The following DNAH12 variants were observed in gnomAD, a reference collection of about 807,000 sequenced individuals.
DNAH12 encodes axonemal beta dynein heavy chain 12.
DNAH12 carries 285 observed loss-of-function variants against 371.5 expected under a neutral mutation model. The observed-to-expected ratio is 0.77, with a 90% CI of 0.70 to 0.85. The LOEUF (loss-of-function observed/expected upper bound fraction) is 0.85. DNAH12 is among the 40% of genes least tolerant of loss of function. DNAH12 has a pLI of 0.00. For missense variants in DNAH12, 3,611 were observed against 3,689.4 expected, an observed-to-expected ratio of 0.98 and a Z score of 0.55; for synonymous variants, 1,200 against 1,213.0, an observed-to-expected ratio of 0.99 and a Z score of 0.22.
chr3:57,328,299 C>T (rs1412103329), intron 62 of DNAH12, among the ~76,000 whole-genome samples: 1 of 151,474 alleles, frequency 6.6e-6, no homozygotes. Context: ...AACATTGATG[C>T]AAAAATCCTC....
chr3:57,530,082 T>C (rs998729905), intron 2 of DNAH12, among the ~76,000 whole-genome samples: 1 of 152,134 alleles, frequency 6.6e-6, no homozygotes, highest in African/African-American at 2.4e-5. Flanking sequence ...TTTTATTCCA[T>C]TGTGGTCAGA....
chr3:57,395,710 T>C (rs2063722272), intron 43 of DNAH12, among the ~76,000 whole-genome samples: 2 of 151,680 alleles, frequency 1.3e-5, no homozygotes, highest in African/African-American at 4.8e-5. Context: ...TTTGAGAGGG[T>C]GAGGCAGGAG....
intron 2 of DNAH12, among the ~76,000 whole-genome samples, chr3:57,538,784 T>A (rs554751895): frequency 6.6e-6 from 1 of 152,200 alleles, no homozygotes; most frequent in African/African-American, 2.4e-5. Flanking sequence ...CAATTCCCTA[T>A]AGCTTTAAAA....
At chr3:57,424,470 CAAAA>C (rs71088068) in intron 35 of DNAH12, among the ~76,000 whole-genome samples, 1 of 118,364 alleles carries the variant, frequency 8.4e-6, no homozygotes, top group Non-Finnish European at 1.7e-5. Flanking sequence ...GATTCCATCT[CAAAA>C]AAAAAAAAAA....
chr3:57,399,824 T>C (rs1191930623), intron 43 of DNAH12, among the ~76,000 whole-genome samples: 5 of 152,262 alleles, frequency 3.3e-5, no homozygotes, highest in Non-Finnish European at 7.3e-5. Flanking sequence ...CAATATATGT[T>C]TCTTCCTTAG....
rs1349919591 is a variant in DNAH12 at position 57,509,144 on chromosome 3, G to A, written c.538C>T (p.Pro180Ser). ...EDEGGPLPES[P>S]VGLDYSNPWH... ...TTTTTAAAATAATTTACTCACACAG[G>A]AGATTCAGGTAAAGGACCTCCTTCA... Residue 180 changes from proline to serine, a missense_variant, in exon 6 of 74, where the codon CCT (proline) becomes TCT (serine). Around this residue, in one of 3 missense-constraint regions of DNAH12, gnomAD observed 1,314 missense variants for 1,398.7 expected, o/e 0.94. Transcript: ENST00000495027. 1 of 1,611,626 alleles carries A rather than the reference G, an allele frequency of 6.2e-7. No individual in the cohort carries two copies. The highest frequency in any genetic ancestry group is 8.5e-7 in the Non-Finnish European group (1 of 1,179,236).
intron 60 of DNAH12, among the ~76,000 whole-genome samples, chr3:57,348,553 T>C (rs1553658964): frequency 6.6e-6 from 1 of 152,154 alleles, no homozygotes; most frequent in East Asian, 1.9e-4. Context: ...AATATATCAC[T>C]CTGGTAAGGG....
chr3:57,334,345 T>C (rs879108081), intron 62 of DNAH12, 120 bp downstream of exon 62: 6 of 1,111,448 alleles, frequency 5.4e-6, no homozygotes, highest in Non-Finnish European at 7.2e-6. Flanking sequence ...AAGAGCTCAA[T>C]GAACTGTAAG....
At chr3:57,340,459 AAAAGG>A (rs1231874509) in intron 60 of DNAH12, among the ~76,000 whole-genome samples, 3 of 152,122 alleles carry the variant, frequency 2.0e-5, no homozygotes, top group African/African-American at 7.2e-5. Flanking sequence ...AATCACAAAC[AAAAGG>A]AGACATTACA....
chr3:57,545,007 T>TA (rs1196148612), upstream of DNAH12, among the ~76,000 whole-genome samples: 1 of 151,226 alleles, frequency 6.6e-6, no homozygotes, highest in African/African-American at 2.4e-5. Context: ...TTTTTTTTTT[T>TA]AATGAGAGTA....
the DNAH12 span, among the ~76,000 whole-genome samples, chr3:57,554,421 A>G: frequency 6.6e-6 from 1 of 152,050 alleles, no homozygotes; most frequent in Admixed American, 6.5e-5. Flanking sequence ...AAGCTTTTCC[A>G]TAATTGCAAG....
intron 4 of DNAH12, chr3:57,519,631 G>A (rs2068334290): frequency 8.4e-7 from 1 of 1,184,026 alleles, no homozygotes; most frequent in Non-Finnish European, 1.3e-6. Context: ...ATCCACCAAG[G>A]CTCTGAACAA....
chr3:57,446,108 G>T lies in DNAH12; in HGVS notation c.4102C>A (p.Leu1368Ile). Reference sequence around the variant, plus strand: ...ATAGCTACAAAACAATTCGGATTGAGCTTAAGTTCTGTCCCTTCAAAAACA... The same window carrying T: ...ATAGCTACAAAACAATTCGGATTGATCTTAAGTTCTGTCCCTTCAAAAACA... ...VFVFEGTELK[L>I]NPNCFVAITM... Residue 1368 changes from leucine (L) to isoleucine (I), a missense_variant, in exon 27 of 74, where the codon CTC (leucine) becomes ATC (isoleucine). This residue lies in a region of DNAH12 where 2,266 missense variants were observed against 2,236.9 expected (regional missense o/e 1.01). Transcript: ENST00000495027. The T allele has an allele frequency of 6.4e-7, 1 of 1,551,694 alleles. No individual in the cohort carries two copies. Among genetic ancestry groups the T allele is most frequent in the East Asian group, 2.4e-5 (1 of 40,914 alleles).
chr3:57,334,406 C>G (rs575244345), intron 62 of DNAH12, 59 bp downstream of exon 62: 1 of 1,484,176 alleles, frequency 6.7e-7, no homozygotes, highest in Admixed American at 2.5e-5. Flanking sequence ...AACTTTAAGC[C>G]TAGCACTTCA....
chr3:57,364,344 A>C (rs1465798125), intron 57 of DNAH12, among the ~76,000 whole-genome samples: 1 of 152,170 alleles, frequency 6.6e-6, no homozygotes, highest in Admixed American at 6.6e-5. Flanking sequence ...ATATTGGAAG[A>C]AACACTTCAT....
At chr3:57,295,762 A>G (rs1023241882) in intron 72 of DNAH12, among the ~76,000 whole-genome samples, 170 bp from the exon 73 acceptor site, 2 of 152,226 alleles carry the variant, frequency 1.3e-5, no homozygotes, top group Non-Finnish European at 2.9e-5. Context: ...GAGAGAAACA[A>G]AAGACAATGA....
chr3:57,453,553 T>G, intron 23 of DNAH12, 150 bp from the exon 24 acceptor site: 1 of 620,592 alleles, frequency 1.6e-6, no homozygotes. Flanking sequence ...ATGCCTAAAA[T>G]CCCAGCATCT....
chr3:57,455,408 T>TAAA (rs547067884), intron 22 of DNAH12, among the ~76,000 whole-genome samples: 1 of 137,604 alleles, frequency 7.3e-6, no homozygotes, highest in Non-Finnish European at 1.6e-5. Context: ...CTACTAAAAA[T>TAAA]AAAAAAAAAA....
the DNAH12 span, among the ~76,000 whole-genome samples, chr3:57,555,899 C>A: frequency 2.6e-5 from 4 of 152,332 alleles, no homozygotes; most frequent in South Asian, 8.3e-4. Context: ...TTCCACACTG[C>A]GAGTAAAGCT....
Sources: allele counts gnomAD v4.1 joint callset (sites outside exome capture counted in the v4.1 genomes callset), GRCh38; gene constraint gnomAD v4.1.1; regional missense constraint gnomAD v4.1.1; transcripts MANE v1.5; gene names NCBI Gene and HGNC (gene_info 2026-07-23, HGNC 2026-07-21).